Variants in TRAF3IP2 observed in about 807,000 individuals in gnomAD.
TRAF3IP2 encodes TRAF3 interacting protein 2, also known as E3 ubiquitin ligase TRAF3IP2.
In TRAF3IP2, 35 loss-of-function variants were observed where a neutral mutation model predicts 57.9. The ratio of observed to expected loss-of-function variants is 0.60; its 90% confidence interval spans 0.46 to 0.80. The LOEUF (loss-of-function observed/expected upper bound fraction) is 0.80, where lower values mean the gene tolerates loss of function less well. TRAF3IP2 is among the 30% of genes least tolerant of loss of function. The pLI, the probability that TRAF3IP2 is intolerant of heterozygous loss-of-function variation, is 0.00. For synonymous variants in TRAF3IP2, 251 were observed against 268.9 expected (o/e 0.93, Z 0.65); for missense variants, 556 against 706.4 (o/e 0.79, Z 2.41).
intron 3 of TRAF3IP2, among the ~76,000 whole-genome samples, chr6:111,578,623 A>G (rs1435224345): frequency 6.6e-6 from 1 of 152,240 alleles, no homozygotes; most frequent in Non-Finnish European, 1.5e-5. Context: ...ACCCTAAGTG[A>G]CAGAGTCAGA....
chr6:111,586,231 T>TC (rs1175020337), intron 2 of TRAF3IP2, among the ~76,000 whole-genome samples: 1 of 150,728 alleles, frequency 6.6e-6, no homozygotes, highest in Non-Finnish European at 1.5e-5. Context: ...AAATAATCCC[T>TC]CCCCTTTTTT....
chr6:111,594,079 T>A (rs1796605064), intron 1 of TRAF3IP2, among the ~76,000 whole-genome samples: 1 of 145,304 alleles, frequency 6.9e-6, no homozygotes, highest in African/African-American at 2.5e-5. Context: ...TGCAGTGAGC[T>A]GAGATTGCGC....
intron 5 of TRAF3IP2, among the ~76,000 whole-genome samples, chr6:111,571,074 T>C (rs1002218698): frequency 6.6e-6 from 1 of 151,212 alleles, no homozygotes; most frequent in African/African-American, 2.4e-5. Flanking sequence ...GCCAACTTTT[T>C]TTTCTTTTTT....
chr6:111,594,777 C>T (rs376022121), intron 1 of TRAF3IP2, among the ~76,000 whole-genome samples: 47 of 152,082 alleles, frequency 3.1e-4, no homozygotes, highest in Non-Finnish European at 5.7e-4. Flanking sequence ...TAGCCAGGTG[C>T]GGTGGCGTGA....
Position 111,566,421 on chromosome 6 carries a change from G to A in TRAF3IP2, c.1476+23C>T, listed in dbSNP as rs745890841. The A allele has an allele frequency of 7.6e-6, 12 of 1,576,970 alleles. No individual in the cohort carries two copies. The Admixed American group carries it at 1.2e-4, about 15-fold the overall frequency. Reference sequence around the variant, plus strand: ...ATCCATCCCCAGGGGACAGTGAGGTGTTGTGATCCCCTCCCCACTCACCAT... The same window carrying A: ...ATCCATCCCCAGGGGACAGTGAGGTATTGTGATCCCCTCCCCACTCACCAT... On this transcript the variant is annotated intron_variant, in intron 7 of 8. Coordinates refer to ENST00000368761, the MANE Select transcript of TRAF3IP2 (RefSeq NM_147686.4).
chr6:111,605,252 C>T (rs889478974), intron 1 of TRAF3IP2, among the ~76,000 whole-genome samples: 1 of 152,224 alleles, frequency 6.6e-6, no homozygotes, highest in Non-Finnish European at 1.5e-5. Context: ...GGAGAGGGGC[C>T]GGGAGGCGGC....
intron 2 of TRAF3IP2, chr6:111,587,102 T>C (rs1012366158): frequency 1.3e-5 from 2 of 152,174 alleles, no homozygotes; most frequent in African/African-American, 4.8e-5. Context: ...TCTCTGTGGT[T>C]AGATGGGAGC....
intron 3 of TRAF3IP2, 71 bp downstream of exon 3, chr6:111,580,126 A>G: frequency 6.5e-7 from 1 of 1,533,578 alleles, no homozygotes; most frequent in Non-Finnish European, 8.8e-7. Flanking sequence ...GAATTCTGTT[A>G]CATCTTCATT....
chr6:111,591,577 G>A lies in TRAF3IP2; in HGVS notation c.510C>T (p.Ser170=). The A allele has an allele frequency of 1.2e-6, 2 of 1,614,266 alleles. No homozygotes were observed. The highest frequency in any genetic ancestry group is 1.7e-6 in the Non-Finnish European group (2 of 1,180,052). ...DQSLPNASAD[S]LGGSQEMVQR... ...GCACCATCTCCTGGCTACCGCCCAA[G>A]GAGTCTGCTGAGGCATTAGGTAAAC... Residue 170 remains serine, a synonymous_variant, in exon 2 of 9, where the codon TCC becomes TCT. Coordinates refer to ENST00000368761, the MANE Select transcript of TRAF3IP2 (RefSeq NM_147686.4). The surrounding 1 kb of genome is among the most constrained non-coding windows in gnomAD (Gnocchi z 4.9).
chr6:111,596,989 C>A (rs1382623021), intron 1 of TRAF3IP2, among the ~76,000 whole-genome samples: 1 of 152,194 alleles, frequency 6.6e-6, no homozygotes, highest in Admixed American at 6.5e-5. Context: ...TAAAGATTCA[C>A]TGAATGAATA....
chr6:111,571,891 G>A (rs1795843327), intron 5 of TRAF3IP2, among the ~76,000 whole-genome samples: 1 of 150,322 alleles, frequency 6.7e-6, no homozygotes, highest in Non-Finnish European at 1.5e-5. Flanking sequence ...CACCAGCCCA[G>A]GCAACAGTTC....
Position 111,566,528 on chromosome 6 carries a change from G to A in TRAF3IP2, c.1392C>T (p.Pro464=), listed in dbSNP as rs1180041195. ...KTVMIIVAIS[P]KYKQDVEGAE... ...CGCCTTCCACGTCCTGTTTGTATTT[G>A]GGGCTGATTGCTACGATTATCATCA... Residue 464 remains proline, a synonymous_variant, in exon 7 of 9, where the codon CCC becomes CCT. Coordinates refer to ENST00000368761, the MANE Select transcript of TRAF3IP2 (RefSeq NM_147686.4). 6.2e-7 allele frequency: 1 copy of A among 1,614,166 alleles called. No homozygotes were observed. The highest frequency in any genetic ancestry group is 1.1e-5 in the South Asian group (1 of 91,076).
intron 1 of TRAF3IP2, among the ~76,000 whole-genome samples, chr6:111,599,584 C>A (rs1294218175): frequency 6.6e-6 from 1 of 152,196 alleles, no homozygotes; most frequent in African/African-American, 2.4e-5. Context: ...CTTGAGCTGC[C>A]TCCAACTGTT....
At chr6:111,590,654 G>A (rs1396555462) in intron 2 of TRAF3IP2, among the ~76,000 whole-genome samples, 1 of 152,092 alleles carries the variant, frequency 6.6e-6, no homozygotes, top group African/African-American at 2.4e-5. Flanking sequence ...GTGAACCATC[G>A]CGACAAGTAG....
chr6:111,589,790 T>C (rs553247134), intron 2 of TRAF3IP2, among the ~76,000 whole-genome samples: 4 of 152,370 alleles, frequency 2.6e-5, no homozygotes, highest in African/African-American at 7.2e-5. Context: ...TTTTTTTCTT[T>C]TTTGAGTTAT....
chr6:111,571,392 A>C (rs927187426), intron 5 of TRAF3IP2, among the ~76,000 whole-genome samples: 6 of 151,706 alleles, frequency 4.0e-5, no homozygotes, highest in Admixed American at 6.6e-5. Flanking sequence ...TTTGTATTTT[A>C]GTCGTGATGG....
At chr6:111,601,079 G>A (rs1796845726) in intron 1 of TRAF3IP2, 5 of 597,864 alleles carry the variant, frequency 8.4e-6, no homozygotes, top group South Asian at 2.2e-5. Context: ...GCACTTAACC[G>A]CTTGCATCTC....
intron 1 of TRAF3IP2, among the ~76,000 whole-genome samples, chr6:111,604,012 T>G (rs1455496109): frequency 6.6e-6 from 1 of 152,204 alleles, no homozygotes; most frequent in South Asian, 2.1e-4. Context: ...CATCGTTGTT[T>G]GAAAATAAAA....
At chr6:111,575,055 C>G (rs1253172229) in intron 4 of TRAF3IP2, among the ~76,000 whole-genome samples, 1 of 151,840 alleles carries the variant, frequency 6.6e-6, no homozygotes, top group African/African-American at 2.4e-5. Context: ...AACCCCGTCT[C>G]TAGTAAAAGT....
Sources: gnomAD v4.1 joint callset for allele counts (sites outside exome capture counted in the v4.1 genomes callset) on GRCh38, gnomAD v4.1.1 for gene constraint, Gnocchi (gnomAD v3.1) non-coding constraint, MANE v1.5 for transcripts, NCBI Gene and HGNC (gene_info 2026-07-23, HGNC 2026-07-21) for gene names.